Variants in DRAM1 observed in about 807,000 individuals in gnomAD.
DRAM1 encodes DNA damage-regulated autophagy modulator protein 1.
In DRAM1, 25 loss-of-function variants were observed where a neutral mutation model predicts 28.5. The observed-to-expected ratio is 0.88, with a 90% CI of 0.64 to 1.23. DRAM1 has a LOEUF of 1.23. Ranked by LOEUF, DRAM1 falls within the 50% of genes most tolerant of loss-of-function variation. The pLI is 0.00. For synonymous variants in DRAM1, 113 were observed against 114.2 expected, an observed-to-expected ratio of 0.99 and a Z score of 0.07; for missense variants, 249 against 299.2, an observed-to-expected ratio of 0.83 and a Z score of 1.24.
chr12:101,895,566 A>ATTT (rs553634247), intron 1 of DRAM1, among the ~76,000 whole-genome samples: 45 of 103,390 alleles, frequency 4.4e-4, no homozygotes, highest in African/African-American at 1.2e-3. Flanking sequence ...AAGGGAGGCT[A>ATTT]TTTTTTTTTT....
Position 101,877,901 on chromosome 12 carries a change from CCCTT to C in DRAM1, c.116_119del (p.Phe39SerfsTer20), listed in dbSNP as rs1464782278. 2 of 1,538,362 alleles carry C rather than the reference CCCTT, an allele frequency of 1.3e-6. No homozygotes were observed. The highest frequency in any genetic ancestry group is 1.8e-6 in the Non-Finnish European group (2 of 1,139,222). The stretch of plus-strand genomic sequence containing the variant: ...CGCCGTGCTCTCCGGGCACGTCAAC[CCCTT>C]CCTCCCGTATATCAGGTGAGTGGCA... On this transcript the variant is annotated frameshift_variant, in exon 1 of 7. Transcript: ENST00000258534. LOFTEE classifies it high-confidence loss of function. The surrounding 1 kb of genome is among the most constrained non-coding windows in gnomAD (Gnocchi z 4.1).
intron 2 of DRAM1, among the ~76,000 whole-genome samples, chr12:101,899,928 A>G (rs1873533289): frequency 6.6e-6 from 1 of 152,222 alleles, no homozygotes; most frequent in Non-Finnish European, 1.5e-5. Context: ...TCTTTTAAAT[A>G]TATCTTTGCA....
intron 4 of DRAM1, among the ~76,000 whole-genome samples, chr12:101,909,520 C>T (rs988829807): frequency 6.6e-6 from 1 of 152,118 alleles, no homozygotes; most frequent in Non-Finnish European, 1.5e-5. Context: ...CAAGGCTAAA[C>T]TCTCCCCCTC....
At chr12:101,895,186 G>GTTTTTTTTTTTT (rs574722379) in intron 1 of DRAM1, among the ~76,000 whole-genome samples, 8 of 75,730 alleles carry the variant, frequency 1.1e-4, no homozygotes, top group African/African-American at 3.9e-4. Context: ...AACCCTTCAG[G>GTTTTTTTTTTTT]TTTTTTTTTT....
intron 4 of DRAM1, among the ~76,000 whole-genome samples, chr12:101,912,795 G>A (rs889587623): frequency 6.7e-6 from 1 of 149,038 alleles, no homozygotes; most frequent in Non-Finnish European, 1.5e-5. Flanking sequence ...GTGCAGTGGT[G>A]CAAATTCAGC....
At chr12:101,894,163 G>A (rs1321910838) in intron 1 of DRAM1, among the ~76,000 whole-genome samples, 1 of 152,008 alleles carries the variant, frequency 6.6e-6, no homozygotes, top group African/African-American at 2.4e-5. Context: ...TATTGCCTAG[G>A]CTGGAGTGCA....
In DRAM1 at chr12:101,888,617, C is replaced by T. The variant is rs909438761; in HGVS notation, c.132-9246C>T. Among the ~76,000 whole-genome samples, 3 of 151,952 alleles carry T rather than the reference C, an allele frequency of 2.0e-5. No homozygotes were observed. In the South Asian group the frequency reaches 6.2e-4, roughly 32 times the overall value. ...TGAGTCTACTGTAAATATATAATTT[C>T]TCCTCTGATTTGAATTTTCCCTGTC... On this transcript the variant is annotated intron_variant, in intron 1 of 6. Transcript: ENST00000258534.
intron 5 of DRAM1, among the ~76,000 whole-genome samples, chr12:101,914,568 T>C: frequency 6.6e-6 from 1 of 151,432 alleles, no homozygotes; most frequent in East Asian, 1.9e-4. Flanking sequence ...CTGCAACCTC[T>C]GTGTCCCAGG....
At chr12:101,892,270 G>A (rs1318159289) in intron 1 of DRAM1, among the ~76,000 whole-genome samples, 2 of 150,860 alleles carry the variant, frequency 1.3e-5, no homozygotes, top group South Asian at 2.1e-4. Flanking sequence ...GAGTCTTGCT[G>A]TGTCGCCCAG....
intron 3 of DRAM1, among the ~76,000 whole-genome samples, chr12:101,905,295 T>C (rs780555860): frequency 5.0e-4 from 76 of 152,200 alleles, no homozygotes; most frequent in Admixed American, 8.5e-4. Context: ...TTACCTTTAT[T>C]TTTTGAGACA....
intron 1 of DRAM1, among the ~76,000 whole-genome samples, chr12:101,892,750 C>G (rs1425241170): frequency 1.3e-5 from 2 of 151,822 alleles, no homozygotes; most frequent in Non-Finnish European, 2.9e-5. Context: ...TTTTTATTTC[C>G]TCACCTCTTT....
At chr12:101,919,828 C>T (rs772575796) in intron 5 of DRAM1, among the ~76,000 whole-genome samples, 2 of 152,184 alleles carry the variant, frequency 1.3e-5, no homozygotes, top group Non-Finnish European at 2.9e-5. Flanking sequence ...CAGTCTCAGC[C>T]ATTTTGCAGT....
At chr12:101,890,749 AT>A (rs10616632) in intron 1 of DRAM1, among the ~76,000 whole-genome samples, 171 of 135,732 alleles carry the variant, frequency 1.3e-3, no homozygotes, top group Admixed American at 5.9e-3. Flanking sequence ...CCGCCATTCT[AT>A]TTTTTTTTTT....
At position 101,919,166 on chromosome 12, in the gene DRAM1, A is replaced by G. The variant is rs183163303; in HGVS notation, c.580-943A>G. On this transcript the variant is annotated intron_variant, in intron 5 of 6. Transcript: ENST00000258534. Reference sequence around the variant, plus strand: ...AGTGATCCTCCTGCCTCAGCCTTCCAAAGTGCTGAGATTACAGGTGTGAGC... The same window carrying G: ...AGTGATCCTCCTGCCTCAGCCTTCCGAAGTGCTGAGATTACAGGTGTGAGC... Among the ~76,000 whole-genome samples, 40 of 152,076 alleles carry G rather than the reference A, an allele frequency of 2.6e-4. No homozygotes were observed. The East Asian group carries it at 7.0e-3, about 26-fold the overall frequency.
intron 3 of DRAM1, among the ~76,000 whole-genome samples, chr12:101,902,467 C>T (rs1053050284): frequency 6.6e-6 from 1 of 152,132 alleles, no homozygotes; most frequent in Admixed American, 6.5e-5. Flanking sequence ...ATGCATAGTT[C>T]TACCATCAGG....
At position 101,922,906 on chromosome 12, in the gene DRAM1, T is replaced by C. The variant is rs2121190836; in HGVS notation, c.*1646T>C. 6.6e-6 allele frequency: 1 copy of C among 152,270 alleles called. No individual in the cohort carries two copies. The highest frequency in any genetic ancestry group is 1.5e-5 in the Non-Finnish European group (1 of 68,036). 9.4% of individuals were successfully genotyped at this position (152,270 alleles called of 1,614,324 possible). On this transcript the variant is annotated 3_prime_UTR_variant, in exon 7 of 7. Coordinates refer to ENST00000258534, the MANE Select transcript of DRAM1 (RefSeq NM_018370.3). ...TGAGCCTGGGACTTCGAGACCAGAC[T>C]GGGAAACATGGCAAAATCCCATCTC... is the stretch of plus-strand genomic sequence containing the variant.
In DRAM1 at chr12:101,921,281, A is replaced by C; in HGVS notation, c.*21A>C. The stretch of plus-strand genomic sequence containing the variant: ...TTTGAAGAAAGAAGAATTCAGTCTC[A>C]CTCAGTGAATGTCGCAGGCCATTTC... On this transcript the variant is annotated 3_prime_UTR_variant, in exon 7 of 7. Transcript: ENST00000258534. 6.2e-7 allele frequency: 1 copy of C among 1,600,744 alleles called. No homozygotes were observed.
At chr12:101,884,576 G>A (rs745943585) in intron 1 of DRAM1, among the ~76,000 whole-genome samples, 4 of 152,012 alleles carry the variant, frequency 2.6e-5, no homozygotes, top group East Asian at 1.9e-4. Context: ...CAGTGTTGCC[G>A]ATTCTAGATC....
intron 3 of DRAM1, among the ~76,000 whole-genome samples, chr12:101,902,736 A>G (rs1025001827): frequency 6.6e-6 from 1 of 152,344 alleles, no homozygotes; most frequent in Non-Finnish European, 1.5e-5. Context: ...AAAACCAGAA[A>G]TAGAATCTTA....
Sources: gnomAD v4.1 joint callset for allele counts (sites outside exome capture counted in the v4.1 genomes callset) on GRCh38, gnomAD v4.1.1 for gene constraint, Gnocchi (gnomAD v3.1) non-coding constraint, MANE v1.5 for transcripts, NCBI Gene and HGNC (gene_info 2026-07-23, HGNC 2026-07-21) for gene names.